CUBN: variants seen among roughly 807,000 people sequenced by gnomAD.
CUBN encodes the protein cubilin, also known as 460 kDa receptor.
In CUBN, 282 loss-of-function variants were observed where a neutral mutation model predicts 405.3. The ratio of observed to expected loss-of-function variants is 0.70; its 90% CI spans 0.63 to 0.77. The LOEUF (loss-of-function observed/expected upper bound fraction) is 0.77. CUBN is among the 30% of genes least tolerant of loss of function. The probability of loss-of-function intolerance (pLI) is 0.00; values close to 1 mark genes in which losing one functional copy is unlikely to be tolerated. For missense variants in CUBN, 4,514 were observed against 4,475.2 expected (o/e 1.01, Z -0.25); for synonymous variants, 1,684 against 1,617.0 (o/e 1.04, Z -0.99).
At chr10:16,854,817 C>A (rs928886526) in intron 59 of CUBN, among the ~76,000 whole-genome samples, 4 of 151,998 alleles carry the variant, frequency 2.6e-5, no homozygotes, top group African/African-American at 9.7e-5. Context: ...AGCAGCACAC[C>A]CACATTCCAG....
intron 31 of CUBN, chr10:16,966,018 A>C (rs1248387260): frequency 4.2e-6 from 2 of 470,764 alleles, no homozygotes; most frequent in Non-Finnish European, 8.8e-6. Flanking sequence ...ATTCAGTTAG[A>C]ATGTTGAGAG....
rs531255410 is a variant in CUBN at position 16,841,659 on chromosome 10, T to G, written c.9664-612A>C. On this transcript the variant is annotated intron_variant, in intron 60 of 66. Transcript: ENST00000377833. ...CCAAACCAGGTGTGTTGCTGCTTCT[T>G]GGGTATGGCATTTGCTGTTCACTTT... 7.2e-5 allele frequency among the ~76,000 whole-genome samples: 11 copies of G among 152,310 alleles called. No individual in the cohort carries two copies. The South Asian group carries it at 2.1e-3, about 29-fold the overall frequency.
At chr10:17,122,070 G>T (rs10752068) in intron 6 of CUBN, 142,851 of 152,438 alleles carry the variant, frequency 0.94, 66,970 homozygotes, top group Non-Finnish European at 0.96. Flanking sequence ...AATGTGTGTG[G>T]CATCAGCAAA....
At chr10:16,995,175 C>T (rs1214654519) in intron 28 of CUBN, among the ~76,000 whole-genome samples, 1 of 152,204 alleles carries the variant, frequency 6.6e-6, no homozygotes, top group African/African-American at 2.4e-5. Context: ...GACACAGTGG[C>T]TCTTTGTCAC....
intron 56 of CUBN, among the ~76,000 whole-genome samples, chr10:16,887,859 T>G (rs1324972041): frequency 1.3e-5 from 2 of 152,064 alleles, no homozygotes; most frequent in Non-Finnish European, 2.9e-5. Context: ...ATAAAGAAAA[T>G]GTGGTAGATA....
chr10:17,100,230 T>C lies in CUBN; in HGVS notation c.1540A>G (p.Ile514Val), dbSNP rs1389321239. 17 of 1,605,696 alleles carry C rather than the reference T, an allele frequency of 1.1e-5. No homozygotes were observed. The Admixed American group carries it at 2.7e-4, about 25-fold the overall frequency. ...TCTAACCGGAAAAAAGTGAAAGTGA[T>C]ACGCAGGACCTAAAAATACAAAGGC... The part of the protein sequence containing the change: ...IKTEMGKVLR[I>V]TFTFFRLESM... The change falls in exon 14 of 67, where the codon ATC (isoleucine) becomes GTC (valine). Residue 514 changes from isoleucine to valine, a missense_variant. By Grantham distance (29) the Ile-to-Val change is conservative. This residue lies in a region of CUBN where 1,448 missense variants were observed against 1,388.0 expected (regional missense o/e 1.04). Coordinates refer to ENST00000377833, the MANE Select transcript of CUBN (RefSeq NM_001081.4).
intron 31 of CUBN, among the ~76,000 whole-genome samples, chr10:16,956,670 T>G (rs1262103751): frequency 1.3e-5 from 2 of 152,298 alleles, no homozygotes; most frequent in Admixed American, 1.3e-4. Flanking sequence ...TAATACTGTC[T>G]TAGTTTTAAT....
chr10:16,950,465 AT>A (rs1292004978), intron 33 of CUBN, among the ~76,000 whole-genome samples: 4 of 152,136 alleles, frequency 2.6e-5, no homozygotes, highest in African/African-American at 9.7e-5. Flanking sequence ...TAACAATAAA[AT>A]TTTTTTACAA....
intron 7 of CUBN, among the ~76,000 whole-genome samples, chr10:17,114,681 G>A (rs765156232): frequency 6.6e-6 from 1 of 152,102 alleles, no homozygotes; most frequent in Non-Finnish European, 1.5e-5. Flanking sequence ...TTCTCATGAA[G>A]AGCCAAGCCA....
intron 16 of CUBN, among the ~76,000 whole-genome samples, 173 bp from the exon 17 acceptor site, chr10:17,084,634 T>C (rs879740403): frequency 6.6e-6 from 1 of 152,198 alleles, no homozygotes; most frequent in Non-Finnish European, 1.5e-5. Context: ...GTTTGATGTG[T>C]TGTGGGACAT....
intron 14 of CUBN, among the ~76,000 whole-genome samples, chr10:17,099,403 G>A (rs986033230): frequency 2.2e-4 from 34 of 152,168 alleles, no homozygotes; most frequent in African/African-American, 8.0e-4. Flanking sequence ...TATTCCTGCA[G>A]TAAACTACTA....
chr10:16,847,837 T>C (rs1430383466), intron 60 of CUBN, among the ~76,000 whole-genome samples: 1 of 152,248 alleles, frequency 6.6e-6, no homozygotes, highest in African/African-American at 2.4e-5. Flanking sequence ...CTTGTGTATC[T>C]ACCACAGAGT....
intron 28 of CUBN, among the ~76,000 whole-genome samples, chr10:17,012,023 G>T (rs1834200185): frequency 6.6e-6 from 1 of 152,174 alleles, no homozygotes; most frequent in Admixed American, 6.5e-5. Flanking sequence ...CAAAGAAGGG[G>T]CCCTGAAGTT....
chr10:17,121,674 T>C (rs979393887), intron 6 of CUBN, among the ~76,000 whole-genome samples: 2 of 152,082 alleles, frequency 1.3e-5, no homozygotes, highest in South Asian at 2.1e-4. Flanking sequence ...TGTGCACATG[T>C]ACCCTAAAAC....
At chr10:17,077,478 C>T (rs568497501) in intron 17 of CUBN, among the ~76,000 whole-genome samples, 4 of 152,206 alleles carry the variant, frequency 2.6e-5, no homozygotes, top group Non-Finnish European at 5.9e-5. Context: ...AATACGCACG[C>T]TCATTTGTCT....
chr10:16,898,158 G>A (rs956566865), intron 54 of CUBN, among the ~76,000 whole-genome samples: 2 of 151,636 alleles, frequency 1.3e-5, no homozygotes, highest in Admixed American at 1.3e-4. Flanking sequence ...TCATTTGAGA[G>A]TTGATAGGAA....
At chr10:17,047,363 A>T in intron 23 of CUBN, 51 bp downstream of exon 23, 1 of 1,378,496 alleles carries the variant, frequency 7.3e-7, no homozygotes, top group South Asian at 1.2e-5. Flanking sequence ...AAAGATTATT[A>T]ATGAGAATAA....
intron 59 of CUBN, among the ~76,000 whole-genome samples, chr10:16,863,196 C>A (rs968069904): frequency 6.6e-6 from 1 of 152,178 alleles, no homozygotes; most frequent in Non-Finnish European, 1.5e-5. Context: ...CAAAGAATAA[C>A]GTGAAGATAA....
intron 56 of CUBN, among the ~76,000 whole-genome samples, chr10:16,882,641 G>A (rs1257096012): frequency 6.6e-6 from 1 of 152,188 alleles, no homozygotes; most frequent in Non-Finnish European, 1.5e-5. Flanking sequence ...ACACCAAAGA[G>A]GACTAGAGAT....
Sources: allele counts gnomAD v4.1 joint callset (sites outside exome capture counted in the v4.1 genomes callset), GRCh38; gene constraint gnomAD v4.1.1; regional missense constraint gnomAD v4.1.1; transcripts MANE v1.5; gene names NCBI Gene and HGNC (gene_info 2026-07-23, HGNC 2026-07-21).